The following P2RX5 variants were observed in gnomAD, a reference collection of about 807,000 sequenced individuals.
The protein encoded by P2RX5 is P2X purinoceptor 5.
A neutral mutation model predicts 54.1 loss-of-function variants in P2RX5; 46 were observed. That is an observed-to-expected ratio of 0.85 (90% CI 0.67 to 1.09). The LOEUF is 1.09. Ranked by LOEUF, P2RX5 falls within the 50% of genes least tolerant of loss-of-function variation. The pLI is 0.00. For synonymous variants in P2RX5, 226 were observed against 226.4 expected, an observed-to-expected ratio of 1.00 and a Z score of 0.02; for missense variants, 566 against 549.8, an observed-to-expected ratio of 1.03 and a Z score of -0.29.
chr17:3,706,297 G>A, the P2RX5 span, among the ~76,000 whole-genome samples: 210 of 152,078 alleles, frequency 1.4e-3, 1 homozygote, highest in African/African-American at 4.6e-3. Flanking sequence ...GTTTCGCCGT[G>A]TTGCCCAGGC....
chr17:3,689,931 C>A (rs1338519907), intron 6 of P2RX5, 139 bp downstream of exon 6: 5 of 874,362 alleles, frequency 5.7e-6, no homozygotes, highest in South Asian at 1.3e-5. Context: ...CACGCGCACA[C>A]ACGCACACAC....
chr17:3,689,894 G>A (rs888483242), intron 6 of P2RX5, among the ~76,000 whole-genome samples, 176 bp downstream of exon 6: 7 of 148,756 alleles, frequency 4.7e-5, no homozygotes, highest in South Asian at 2.1e-4. Flanking sequence ...ACACACAAAC[G>A]CACGCACACA....
chr17:3,694,247 G>T (rs1019251374), intron 1 of P2RX5, among the ~76,000 whole-genome samples: 2 of 145,214 alleles, frequency 1.4e-5, no homozygotes, highest in African/African-American at 5.0e-5. Flanking sequence ...AAAAAAAAAG[G>T]CCGCATACTA....
At chr17:3,714,042 C>T in the P2RX5 span, among the ~76,000 whole-genome samples, 3 of 151,840 alleles carry the variant, frequency 2.0e-5, no homozygotes, top group Non-Finnish European at 4.4e-5. Context: ...ATTCTCCTGC[C>T]TCAGCCTCCC....
chr17:3,706,856 C>T, the P2RX5 span, among the ~76,000 whole-genome samples: 12 of 152,094 alleles, frequency 7.9e-5, no homozygotes, highest in Admixed American at 6.5e-4. Flanking sequence ...GTGATCCGCC[C>T]GCCTCGGCCT....
Position 3,681,825 on chromosome 17 carries a change from G to A in P2RX5, c.1064+71C>T. ...CCCCAGCCATCAATATCACATCAGG[G>A]CAAAGGCTCGAAGCCACGGGGGTGC... On this transcript the variant is annotated intron_variant, in intron 10 of 11. Coordinates refer to ENST00000225328, the MANE Select transcript of P2RX5 (RefSeq NM_002561.4). 1.1e-5 allele frequency: 11 copies of A among 1,022,508 alleles called. No individual in the cohort carries two copies. In the South Asian group the frequency reaches 1.3e-4, roughly 12 times the overall value. The allele number at this position is 1,022,508 out of a possible 1,614,324, so 63.3% of individuals were successfully genotyped here.
At chr17:3,690,197 G>T (rs1455473511) in intron 5 of P2RX5, 47 bp from the exon 6 acceptor site, 1 of 1,535,692 alleles carries the variant, frequency 6.5e-7, no homozygotes, top group Admixed American at 1.7e-5. Context: ...CCACCCCTGT[G>T]CCCCTCCCCC....
the P2RX5 span, among the ~76,000 whole-genome samples, chr17:3,707,784 C>T: frequency 1.3e-5 from 2 of 152,010 alleles, no homozygotes; most frequent in Non-Finnish European, 2.9e-5. Flanking sequence ...CTCGGCCAGA[C>T]GCGGTGGCTC....
Position 3,679,738 on chromosome 17 carries a change from G to T in P2RX5, c.1111C>A (p.Leu371Met), listed in dbSNP as rs2050186325. Residue 371 changes from leucine (L) to methionine (M), a missense_variant, in exon 11 of 12, where the codon CTG becomes ATG. Leu to Met is a conservative substitution (Grantham distance 15, BLOSUM62 2). Transcript: ENST00000225328. Reference protein sequence around the residue: ...SQEAEDEASGLGLSEQLTSGP... With the variant: ...SQEAEDEASGMGLSEQLTSGP... ...GATGTGAGCTGCTCAGATAGCCCCA[G>T]CCCCGATGCCTCGTCCTCGGCCTCC... 6.2e-7 allele frequency: 1 copy of T among 1,612,332 alleles called. No individual in the cohort carries two copies.
the P2RX5 span, among the ~76,000 whole-genome samples, chr17:3,714,374 C>T: frequency 6.6e-6 from 1 of 151,942 alleles, no homozygotes; most frequent in Admixed American, 6.6e-5. Flanking sequence ...ACTACAGGCA[C>T]CCGCCACCAT....
At chr17:3,675,706 C>G (rs2142994401) in intron 11 of P2RX5, 1 of 585,064 alleles carries the variant, frequency 1.7e-6, no homozygotes, top group Non-Finnish European at 2.2e-6. Flanking sequence ...CATGTGGACA[C>G]CATGCCCGGC....
Position 3,679,784 on chromosome 17 carries a change from C to A in P2RX5, c.1065G>T (p.Arg355Ser), listed in dbSNP as rs747043074. The A allele has an allele frequency of 3.7e-6, 6 of 1,608,982 alleles. No homozygotes were observed. The Admixed American group carries it at 1.0e-4, about 27-fold the overall frequency. Residue 355 changes from arginine to serine, a missense_variant and splice_region_variant, in exon 11 of 12, where the codon AGG becomes AGT. Transcript: ENST00000225328. ...CCTCCTGGGAACTGTCTTCTAGGCC[C>A]CTGGACAAGATACAAGCTGTTCACC... The part of the protein sequence containing the change: ...FYRDKKYEEV[R>S]GLEDSSQEAE...
the P2RX5 span, among the ~76,000 whole-genome samples, chr17:3,718,643 A>G: frequency 2.0e-5 from 3 of 152,376 alleles, no homozygotes; most frequent in Non-Finnish European, 1.5e-5. Flanking sequence ...TTGGATTTAA[A>G]GAAAGGAATT....
Position 3,688,065 on chromosome 17 carries a change from G to A in P2RX5, c.928C>T (p.Arg310Cys), listed in dbSNP as rs146166049. Residue 310 changes from arginine to cysteine, a missense_variant, in exon 9 of 12, where the codon CGC becomes TGC. Transcript: ENST00000225328. ...YYRDAAGVEF[R>C]TLMKAYGIRF... ...ATCCCGTAGGCTTTCATCAGGGTGC[G>A]GAACTCCACCCCGGCTGCGTCTCGG... 2,323 of 1,605,974 alleles carry A rather than the reference G, an allele frequency of 1.4e-3. 17 individuals carry two copies. Among genetic ancestry groups the A allele is most frequent in the South Asian group, 8.7e-3 (785 of 89,854 alleles).
chr17:3,702,731 G>A, the P2RX5 span, among the ~76,000 whole-genome samples: 4 of 152,160 alleles, frequency 2.6e-5, no homozygotes, highest in African/African-American at 9.7e-5. Context: ...CACCACGAGG[G>A]TCCATGGCTT....
At chr17:3,723,650 T>C in the P2RX5 span, 3 of 1,538,164 alleles carry the variant, frequency 2.0e-6, no homozygotes, top group African/African-American at 2.8e-5. Flanking sequence ...CTTCAGGCCC[T>C]CCGCCCTCCC....
the P2RX5 span, among the ~76,000 whole-genome samples, chr17:3,708,631 G>A: frequency 2.0e-5 from 3 of 152,118 alleles, no homozygotes; most frequent in African/African-American, 4.8e-5. Context: ...GGTCTTTCTG[G>A]AAAGCACTTC....
the P2RX5 span, among the ~76,000 whole-genome samples, chr17:3,709,109 G>A: frequency 6.6e-6 from 1 of 151,978 alleles, no homozygotes; most frequent in Non-Finnish European, 1.5e-5. Flanking sequence ...CTGCCACAAC[G>A]CCAGGCTAAT....
At chr17:3,699,915 AAG>A (rs1567744379), upstream of P2RX5, among the ~76,000 whole-genome samples, 2 of 52,034 alleles carry the variant, frequency 3.8e-5, no homozygotes, top group African/African-American at 9.0e-5. Context: ...GGAAGGAAGG[AAG>A]GAAAGAAAGA....
Sources: gnomAD v4.1 joint callset for allele counts (sites outside exome capture counted in the v4.1 genomes callset) on GRCh38, gnomAD v4.1.1 for gene constraint, MANE v1.5 for transcripts, NCBI Gene and HGNC (gene_info 2026-07-23, HGNC 2026-07-21) for gene names.